Variants in CNIH3 observed in about 807,000 individuals in gnomAD.
CNIH3 encodes the protein cornichon family AMPA receptor auxiliary protein 3, also known as protein cornichon homolog 3.
CNIH3 carries 14 observed loss-of-function variants against 24.1 expected under a neutral mutation model. The ratio of observed to expected loss-of-function variants is 0.58; its 90% CI spans 0.38 to 0.91. CNIH3 has a LOEUF of 0.91. Among genes scored for constraint, CNIH3 ranks in the 40% least tolerant of loss-of-function variants. The pLI is 0.00. For synonymous variants in CNIH3, 68 were observed against 73.8 expected (o/e 0.92, Z 0.40); for missense variants, 178 against 196.8 (o/e 0.90, Z 0.57).
intron 1 of CNIH3, chr1:224,435,237 G>C (rs1674596504): frequency 1.0e-6 from 1 of 984,230 alleles, no homozygotes. Flanking sequence ...GAACTTCCAG[G>C]CACAGGGCTG....
chr1:224,515,926 T>A (rs1395159243), intron 1 of CNIH3: 1 of 152,246 alleles, frequency 6.6e-6, no homozygotes, highest in Non-Finnish European at 1.5e-5. Flanking sequence ...TAGCTTATTA[T>A]GTGTTTAATT....
intron 1 of CNIH3, among the ~76,000 whole-genome samples, chr1:224,504,433 G>T (rs546580323): frequency 6.6e-6 from 1 of 152,242 alleles, no homozygotes; most frequent in South Asian, 2.1e-4. Context: ...GCGACATTTG[G>T]TAAAGGGATT....
intron 3 of CNIH3, among the ~76,000 whole-genome samples, chr1:224,709,933 C>T (rs775912840): frequency 6.6e-6 from 1 of 152,078 alleles, no homozygotes; most frequent in Non-Finnish European, 1.5e-5. Flanking sequence ...CCATACATAT[C>T]TATGATAAAG....
At chr1:224,621,589 A>AG (rs1170847859) in intron 1 of CNIH3, among the ~76,000 whole-genome samples, 1 of 152,122 alleles carries the variant, frequency 6.6e-6, no homozygotes, top group African/African-American at 2.4e-5. Flanking sequence ...AGCCTGCTCC[A>AG]TCCCCCTTTT....
intron 1 of CNIH3, among the ~76,000 whole-genome samples, chr1:224,501,833 G>A (rs1344478676): frequency 6.6e-6 from 1 of 151,764 alleles, no homozygotes; most frequent in African/African-American, 2.4e-5. Context: ...CACCTGCCTC[G>A]GCCTCCCAAA....
chr1:224,468,590 CA>C (rs1037137112), intron 1 of CNIH3, among the ~76,000 whole-genome samples: 1 of 152,148 alleles, frequency 6.6e-6, no homozygotes, highest in African/African-American at 2.4e-5. Context: ...TTGTCATCTA[CA>C]AATAGGGACA....
chr1:224,603,603 A>G (rs1682294557), intron 3 of CNIH3, among the ~76,000 whole-genome samples: 1 of 152,238 alleles, frequency 6.6e-6, no homozygotes. Context: ...TGCCATTTGC[A>G]TCTAATATTT....
upstream of CNIH3, chr1:224,513,884 G>C (rs1190699251): frequency 6.6e-6 from 1 of 152,160 alleles, no homozygotes; most frequent in East Asian, 1.9e-4. Context: ...TGTCAGAAAA[G>C]GGCCAGCAGG....
chr1:224,519,261 T>C (rs926279699), intron 1 of CNIH3, among the ~76,000 whole-genome samples: 1 of 152,222 alleles, frequency 6.6e-6, no homozygotes, highest in Non-Finnish European at 1.5e-5. Context: ...AGGGCCTGAA[T>C]AGAACAGAAG....
At chr1:224,435,049 G>A in intron 1 of CNIH3, 1 of 985,590 alleles carries the variant, frequency 1.0e-6, no homozygotes, top group Non-Finnish European at 1.2e-6. Context: ...CTGGCTCGAC[G>A]AGCAGTAAGT....
chr1:224,481,812 A>G (rs1175855890), intron 1 of CNIH3, among the ~76,000 whole-genome samples: 1 of 152,228 alleles, frequency 6.6e-6, no homozygotes, highest in Non-Finnish European at 1.5e-5. Context: ...TGGTGAAGCC[A>G]GTCAAACTTG....
At chr1:224,438,015 C>A (rs938597597) in intron 1 of CNIH3, among the ~76,000 whole-genome samples, 3 of 151,778 alleles carry the variant, frequency 2.0e-5, no homozygotes, top group African/African-American at 7.3e-5. Context: ...TGGGTTCACG[C>A]CATTCTCCTG....
intron 1 of CNIH3, among the ~76,000 whole-genome samples, chr1:224,444,177 C>T (rs1472426568): frequency 6.6e-6 from 1 of 151,994 alleles, no homozygotes; most frequent in African/African-American, 2.4e-5. Context: ...CGGTATATAG[C>T]TCTAAAAGAT....
At chr1:224,615,937 G>A (rs551623366), upstream of CNIH3, 2 of 152,870 alleles carry the variant, frequency 1.3e-5, no homozygotes, top group African/African-American at 4.8e-5. Flanking sequence ...TTCCCACTCC[G>A]ATAGGCGAAA....
chr1:224,676,947 G>GA (rs1686169048), intron 1 of CNIH3, among the ~76,000 whole-genome samples: 1 of 152,182 alleles, frequency 6.6e-6, no homozygotes, highest in African/African-American at 2.4e-5. Context: ...TCATTCTTCT[G>GA]AATGTCTTCC....
chr1:224,692,111 A>G (rs1686960402), intron 3 of CNIH3, among the ~76,000 whole-genome samples: 1 of 152,168 alleles, frequency 6.6e-6, no homozygotes, highest in Admixed American at 6.5e-5. Context: ...TGTGGGTAAC[A>G]TAGTGAGACC....
At chr1:224,535,312 G>A (rs1421967940) in intron 2 of CNIH3, among the ~76,000 whole-genome samples, 1 of 152,140 alleles carries the variant, frequency 6.6e-6, no homozygotes, top group African/African-American at 2.4e-5. Flanking sequence ...CAAACACCAG[G>A]AGCTAGAAGA....
intron 1 of CNIH3, among the ~76,000 whole-genome samples, chr1:224,457,130 A>C (rs1675698061): frequency 6.6e-6 from 1 of 152,236 alleles, no homozygotes; most frequent in South Asian, 2.1e-4. Context: ...CAGGCAGGTC[A>C]GGCCTGGTAG....
chr1:224,667,524 G>C (rs761721448), intron 1 of CNIH3, among the ~76,000 whole-genome samples: 1 of 152,136 alleles, frequency 6.6e-6, no homozygotes. Context: ...GACAATGAAC[G>C]GAAGAGGAAA....
Sources: allele counts gnomAD v4.1 joint callset (sites outside exome capture counted in the v4.1 genomes callset), GRCh38; gene constraint gnomAD v4.1.1; transcripts MANE v1.5; gene names NCBI Gene and HGNC (gene_info 2026-07-23, HGNC 2026-07-21).